The following ZHX2 variants were observed in gnomAD, a reference collection of about 807,000 sequenced individuals.
ZHX2 encodes the protein zinc fingers and homeoboxes 2.
In ZHX2, 6 loss-of-function variants were observed where a neutral mutation model predicts 21.9. The ratio of observed to expected loss-of-function variants is 0.27; its 90% confidence interval spans 0.15 to 0.54. The LOEUF (loss-of-function observed/expected upper bound fraction) is 0.54. Ranked by LOEUF, ZHX2 falls within the 20% of genes least tolerant of loss-of-function variation. The pLI, the probability that ZHX2 is intolerant of heterozygous loss-of-function variation, is 0.95. For missense variants in ZHX2, 908 were observed against 1,090.7 expected (o/e 0.83, Z 2.36); for synonymous variants, 434 against 437.1 (o/e 0.99, Z 0.09).
At chr8:122,859,102 G>T (rs931199087) in intron 1 of ZHX2, among the ~76,000 whole-genome samples, 4 of 152,238 alleles carry the variant, frequency 2.6e-5, no homozygotes, top group Non-Finnish European at 5.9e-5. Context: ...TCCCGGAAGA[G>T]AAGTGATTGG....
rs568526591 is a variant in ZHX2 at position 122,783,781 on chromosome 8, A to G, written c.-283+1835A>G. ...GGGACTACCATAAAGGTTTAAGTTTAAAGGGAAAGTTATGTAAAGCTGTAT... is the reference window on the plus strand; with the variant it reads ...GGGACTACCATAAAGGTTTAAGTTTGAAGGGAAAGTTATGTAAAGCTGTAT... On this transcript the variant is annotated intron_variant, in intron 1 of 3. Coordinates refer to ENST00000314393, the MANE Select transcript of ZHX2 (RefSeq NM_014943.5). Among the ~76,000 whole-genome samples, 8 of 152,354 alleles carry G rather than the reference A, an allele frequency of 5.3e-5. No individual in the cohort carries two copies. The East Asian group carries it at 1.5e-3, about 29-fold the overall frequency.
chr8:122,809,373 G>A (rs879944686), intron 1 of ZHX2, among the ~76,000 whole-genome samples: 5 of 152,156 alleles, frequency 3.3e-5, no homozygotes, highest in East Asian at 1.9e-4. Context: ...GGTGGTAGGC[G>A]CCTGTAATCC....
intron 2 of ZHX2, among the ~76,000 whole-genome samples, chr8:122,908,722 G>A (rs13279176): frequency 0.12 from 17,799 of 152,106 alleles, 1,148 homozygotes; most frequent in South Asian, 0.19. Context: ...ATTTTTCAGC[G>A]TACTGAAAAA....
chr8:122,847,728 G>T (rs1237709987), intron 1 of ZHX2, among the ~76,000 whole-genome samples: 1 of 152,206 alleles, frequency 6.6e-6, no homozygotes, highest in African/African-American at 2.4e-5. Flanking sequence ...AGGGCCCAGG[G>T]CATCCCAAGT....
chr8:122,858,097 G>A (rs908413049), intron 1 of ZHX2, among the ~76,000 whole-genome samples: 11 of 152,166 alleles, frequency 7.2e-5, no homozygotes, highest in African/African-American at 2.4e-4. Flanking sequence ...CGGGCCCCAC[G>A]GAAGCCGCTT....
At chr8:122,938,558 CG>C (rs374087945) in intron 2 of ZHX2, among the ~76,000 whole-genome samples, 1 of 151,982 alleles carries the variant, frequency 6.6e-6, no homozygotes, top group African/African-American at 2.4e-5. Context: ...GCTGAGGGGC[CG>C]GGCACAGTGG....
In ZHX2 at chr8:122,845,986, G is replaced by A. The variant is rs540372244; in HGVS notation, c.-282-17491G>A. 3.3e-5 allele frequency among the ~76,000 whole-genome samples: 5 copies of A among 152,336 alleles called. No homozygotes were observed. The South Asian group carries it at 1.0e-3, about 32-fold the overall frequency. ...TTTTTAGATCACTGCCCAGAGTGGA[G>A]AAGGCAAAAGTGGAGACAGGGAGGC... On this transcript the variant is annotated intron_variant, in intron 1 of 3. Transcript: ENST00000314393.
At chr8:122,784,412 G>A (rs1010650283) in intron 1 of ZHX2, among the ~76,000 whole-genome samples, 6 of 152,156 alleles carry the variant, frequency 3.9e-5, no homozygotes, top group Admixed American at 2.0e-4. Context: ...TTGCCTGAGC[G>A]ACACAGCAAA....
At chr8:122,947,796 C>T (rs1339075682) in intron 2 of ZHX2, among the ~76,000 whole-genome samples, 2 of 150,414 alleles carry the variant, frequency 1.3e-5, no homozygotes, top group South Asian at 4.2e-4. Context: ...GACAGAGCCA[C>T]TGGAGTGTGA....
At chr8:122,955,129 A>C (rs945582603) in intron 3 of ZHX2, among the ~76,000 whole-genome samples, 2 of 149,590 alleles carry the variant, frequency 1.3e-5, no homozygotes, top group African/African-American at 5.0e-5. Flanking sequence ...CATCCCCATA[A>C]TGGGACATGC....
chr8:122,856,590 C>T (rs964261680), intron 1 of ZHX2, among the ~76,000 whole-genome samples: 3 of 152,050 alleles, frequency 2.0e-5, no homozygotes, highest in Non-Finnish European at 2.9e-5. Flanking sequence ...AAACAGGAGC[C>T]GTAATCAAAG....
intron 1 of ZHX2, among the ~76,000 whole-genome samples, chr8:122,808,518 G>A (rs777637031): frequency 2.0e-5 from 3 of 152,122 alleles, no homozygotes; most frequent in African/African-American, 4.8e-5. Context: ...GGGGGTAACC[G>A]CTCCCATGAT....
chr8:122,909,831 G>A (rs1161382703), intron 2 of ZHX2, among the ~76,000 whole-genome samples: 5 of 152,186 alleles, frequency 3.3e-5, no homozygotes, highest in African/African-American at 1.2e-4. Context: ...GCAGCCTGCA[G>A]CCAGGGCAAT....
chr8:122,830,753 G>A (rs1462826902), intron 1 of ZHX2, among the ~76,000 whole-genome samples: 3 of 152,276 alleles, frequency 2.0e-5, no homozygotes, highest in East Asian at 1.9e-4. Context: ...TAATTACTGC[G>A]TGGCTCAGAG....
At chr8:122,869,188 C>A (rs886257045) in intron 2 of ZHX2, among the ~76,000 whole-genome samples, 3 of 152,188 alleles carry the variant, frequency 2.0e-5, no homozygotes, top group Non-Finnish European at 4.4e-5. Flanking sequence ...TACCTGCCTC[C>A]TTCCCAGGAG....
intron 1 of ZHX2, among the ~76,000 whole-genome samples, chr8:122,794,559 C>T (rs568391690): frequency 6.6e-6 from 1 of 152,254 alleles, no homozygotes; most frequent in East Asian, 1.9e-4. Context: ...GAGCATATCT[C>T]CAGTCTAAAG....
intron 2 of ZHX2, among the ~76,000 whole-genome samples, chr8:122,902,827 G>C (rs1335607021): frequency 6.6e-6 from 1 of 152,192 alleles, no homozygotes; most frequent in Admixed American, 6.5e-5. Flanking sequence ...ACTCATACCA[G>C]AGGCCTGTCT....
intron 3 of ZHX2, among the ~76,000 whole-genome samples, chr8:122,958,805 C>CA (rs1211057125): frequency 1.3e-5 from 2 of 152,206 alleles, no homozygotes; most frequent in Non-Finnish European, 2.9e-5. Flanking sequence ...AACTAATCCA[C>CA]AATGTATTCA....
chr8:122,794,858 C>T (rs1004755703), intron 1 of ZHX2, among the ~76,000 whole-genome samples: 2 of 152,206 alleles, frequency 1.3e-5, no homozygotes, highest in Non-Finnish European at 2.9e-5. Context: ...AGACTATCCC[C>T]AAGCTTAGCA....
Sources: gnomAD v4.1 joint callset for allele counts (sites outside exome capture counted in the v4.1 genomes callset) on GRCh38, gnomAD v4.1.1 for gene constraint, MANE v1.5 for transcripts, NCBI Gene and HGNC (gene_info 2026-07-23, HGNC 2026-07-21) for gene names.